Variants in MTBP observed in about 807,000 individuals in gnomAD.
The protein encoded by MTBP is MDM2 binding protein.
A neutral mutation model predicts 117.0 loss-of-function variants in MTBP; 101 were observed. That is an observed-to-expected ratio of 0.86 (90% CI 0.73 to 1.02). The LOEUF (loss-of-function observed/expected upper bound fraction) is 1.02, where lower values mean the gene tolerates loss of function less well. MTBP is among the 50% of genes least tolerant of loss of function. The pLI is 0.00. For missense variants in MTBP, 970 were observed against 1,030.9 expected, an observed-to-expected ratio of 0.94 and a Z score of 0.81; for synonymous variants, 350 against 351.5, an observed-to-expected ratio of 1.00 and a Z score of 0.05.
chr8:120,463,977 GT>G (rs1359606753), intron 10 of MTBP, among the ~76,000 whole-genome samples: 1 of 151,962 alleles, frequency 6.6e-6, no homozygotes, highest in African/African-American at 2.4e-5. Context: ...GTGACATTTT[GT>G]TTTTAGGAGA....
At chr8:120,507,002 C>A in intron 16 of MTBP, 141 bp downstream of exon 16, 1 of 659,120 alleles carries the variant, frequency 1.5e-6, no homozygotes, top group Non-Finnish European at 2.4e-6. Context: ...GTCTGTTGGC[C>A]TTAATCTTCA....
Position 120,455,469 on chromosome 8 carries a change from T to C in MTBP, c.519T>C (p.Ser173=). ...TGGTAGATATAATACTGTTGCTTTC[T>C]GACAAAGATCCTCCTAAATTGAAAG... The part of the protein sequence containing the change: ...RAMVDIILLL[S]DKDPPKLKDY... The change falls in exon 6 of 22, where the codon TCT becomes TCC. Residue 173 remains serine (S), a synonymous_variant. Transcript: ENST00000305949. 1 of 1,609,296 alleles carries C rather than the reference T, an allele frequency of 6.2e-7. No homozygotes were observed. The highest frequency in any genetic ancestry group is 1.7e-5 in the Admixed American group (1 of 59,900).
rs137951238 is a variant in MTBP, at chr8:120,447,818, G to C, written c.199+1305G>C. On this transcript the variant is annotated intron_variant, in intron 2 of 21. Transcript: ENST00000305949. ...AACCTTACCAAGAGTAGTTTGAGCA[G>C]TGCTTGCCACCTTCACATCATCACG... Among the ~76,000 whole-genome samples, 494 of 152,056 alleles carry C rather than the reference G, an allele frequency of 3.2e-3. 2 individuals are homozygous for C. The highest frequency in any genetic ancestry group is 0.011 in the African/African-American group (469 of 41,476).
intron 15 of MTBP, among the ~76,000 whole-genome samples, 159 bp downstream of exon 15, chr8:120,502,768 A>G (rs917278685): frequency 1.3e-5 from 2 of 152,208 alleles, no homozygotes; most frequent in Admixed American, 6.5e-5. Context: ...CTAGAGTAGT[A>G]TATCAATTAA....
At chr8:120,498,159 G>A (rs920862058) in intron 14 of MTBP, among the ~76,000 whole-genome samples, 1 of 152,082 alleles carries the variant, frequency 6.6e-6, no homozygotes, top group Non-Finnish European at 1.5e-5. Flanking sequence ...AATGTCTTTA[G>A]GCAAGTTATT....
At chr8:120,486,759 A>G (rs1814227142) in intron 11 of MTBP, among the ~76,000 whole-genome samples, 1 of 152,136 alleles carries the variant, frequency 6.6e-6, no homozygotes, top group Non-Finnish European at 1.5e-5. Flanking sequence ...GCTGCGGCTG[A>G]AGTGCTTCGG....
At chr8:120,450,004 G>A (rs952158184) in intron 2 of MTBP, among the ~76,000 whole-genome samples, 2 of 152,208 alleles carry the variant, frequency 1.3e-5, no homozygotes, top group Non-Finnish European at 2.9e-5. Context: ...CTAAGAAAGT[G>A]AAGTGAAGAT....
At chr8:120,446,370 T>C (rs925409925) in intron 1 of MTBP, 63 bp from the exon 2 acceptor site, 4 of 982,784 alleles carry the variant, frequency 4.1e-6, no homozygotes, top group African/African-American at 3.2e-5. Context: ...GATGGTGAAA[T>C]TGGACTAAGT....
At chr8:120,501,436 C>G (rs1355509256) in intron 14 of MTBP, among the ~76,000 whole-genome samples, 1 of 151,012 alleles carries the variant, frequency 6.6e-6, no homozygotes, top group Non-Finnish European at 1.5e-5. Flanking sequence ...GTAATCCCAG[C>G]TACTTGGGAG....
chr8:120,482,865 A>C (rs1563795535), intron 11 of MTBP, among the ~76,000 whole-genome samples: 1 of 151,784 alleles, frequency 6.6e-6, no homozygotes, highest in African/African-American at 2.4e-5. Context: ...ACGCCCAGCT[A>C]ATTTTTTGTA....
At position 120,517,855 on chromosome 8, in the gene MTBP, G is replaced by A; in HGVS notation, c.2251G>A (p.Val751Met). The change falls in exon 19 of 22, where the codon GTG becomes ATG. Residue 751 changes from valine (V) to methionine (M), a missense_variant. Transcript: ENST00000305949. ...LNCLYPRKRLVKSESSESLLS... is the reference protein window; with the variant it reads ...LNCLYPRKRLMKSESSESLLS... The stretch of plus-strand genomic sequence containing the variant: ...TTTTTTTCCCCTGCTATATAGACTT[G>A]TGAAATCTGAAAGTTCAGAGTCTCT... 1.9e-6 allele frequency: 3 copies of A among 1,610,122 alleles called. No individual in the cohort carries two copies. Among genetic ancestry groups the A allele is most frequent in the Non-Finnish European group, 2.5e-6 (3 of 1,177,396 alleles).
intron 19 of MTBP, 68 bp from the exon 20 acceptor site, chr8:120,518,636 C>T: frequency 9.5e-7 from 1 of 1,056,992 alleles, no homozygotes; most frequent in Non-Finnish European, 1.4e-6. Context: ...GGATTGAACT[C>T]TAAAGCTGAA....
chr8:120,501,685 A>G, intron 14 of MTBP, among the ~76,000 whole-genome samples: 1 of 152,342 alleles, frequency 6.6e-6, no homozygotes, highest in South Asian at 2.1e-4. Flanking sequence ...CAATGAGTTT[A>G]TTAGAACAAT....
intron 12 of MTBP, among the ~76,000 whole-genome samples, chr8:120,489,297 A>C (rs549218845): frequency 7.2e-5 from 11 of 152,172 alleles, no homozygotes; most frequent in African/African-American, 2.6e-4. Flanking sequence ...TCGGCCTCCC[A>C]AAGTGCTGGG....
At chr8:120,459,424 T>G in intron 8 of MTBP, 75 bp downstream of exon 8, 1 of 1,399,980 alleles carries the variant, frequency 7.1e-7, no homozygotes, top group Non-Finnish European at 9.7e-7. Flanking sequence ...GAATCTTGAC[T>G]TAATATTACT....
At chr8:120,512,432 G>T (rs560044440) in intron 17 of MTBP, among the ~76,000 whole-genome samples, 1 of 151,718 alleles carries the variant, frequency 6.6e-6, no homozygotes, top group Admixed American at 6.6e-5. Flanking sequence ...TCTCCATCTC[G>T]CTACTCTTTT....
chr8:120,479,633 A>G (rs1195270114), intron 11 of MTBP, among the ~76,000 whole-genome samples: 1 of 152,220 alleles, frequency 6.6e-6, no homozygotes, highest in Non-Finnish European at 1.5e-5. Flanking sequence ...GATAGAAATA[A>G]TACACACGAT....
intron 14 of MTBP, among the ~76,000 whole-genome samples, chr8:120,498,886 A>G (rs942106010): frequency 2.6e-5 from 4 of 152,200 alleles, no homozygotes; most frequent in Non-Finnish European, 5.9e-5. Flanking sequence ...GGGTTGAAAG[A>G]TAGGAAGGGC....
intron 10 of MTBP, among the ~76,000 whole-genome samples, chr8:120,465,655 C>CTTCTT (rs770954109): frequency 9.8e-6 from 1 of 101,662 alleles, no homozygotes; most frequent in Non-Finnish European, 1.8e-5. Flanking sequence ...CTTATAGAGA[C>CTTCTT]TTTTTTTTTT....
Sources: gnomAD v4.1 joint callset for allele counts (sites outside exome capture counted in the v4.1 genomes callset) on GRCh38, gnomAD v4.1.1 for gene constraint, MANE v1.5 for transcripts, NCBI Gene and HGNC (gene_info 2026-07-23, HGNC 2026-07-21) for gene names.